The following FBXL17 variants were observed in gnomAD, a reference collection of about 807,000 sequenced individuals.
FBXL17 encodes the protein F-box/LRR-repeat protein 17.
Under a neutral mutation model 66.2 loss-of-function variants are expected in FBXL17, and 22 were observed. That is an observed-to-expected ratio of 0.33 (90% CI 0.24 to 0.47). FBXL17 has a LOEUF of 0.47. FBXL17 is among the 20% of genes least tolerant of loss of function. The pLI is 1.00. For synonymous variants in FBXL17, 474 were observed against 400.5 expected (o/e 1.18, Z -2.19); for missense variants, 878 against 948.2 (o/e 0.93, Z 0.97).
At chr5:108,250,488 A>G (rs909004599) in intron 4 of FBXL17, among the ~76,000 whole-genome samples, 3 of 152,138 alleles carry the variant, frequency 2.0e-5, no homozygotes, top group Admixed American at 1.3e-4. Flanking sequence ...CACTGAAAAC[A>G]TAATTGTGTT....
chr5:107,880,915 A>G (rs748987062), intron 8 of FBXL17, 122 bp downstream of exon 8: 1 of 1,441,564 alleles, frequency 6.9e-7, no homozygotes, highest in Non-Finnish European at 9.2e-7. Flanking sequence ...ATATATACAT[A>G]TAAAATGTAT....
At chr5:108,062,837 A>G (rs1241628431) in intron 6 of FBXL17, among the ~76,000 whole-genome samples, 1 of 152,174 alleles carries the variant, frequency 6.6e-6, no homozygotes, top group African/African-American at 2.4e-5. Flanking sequence ...AGATAAAATT[A>G]TCAGATTTCC....
chr5:107,939,716 T>C (rs994084381), intron 7 of FBXL17, among the ~76,000 whole-genome samples: 1 of 152,154 alleles, frequency 6.6e-6, no homozygotes, highest in Non-Finnish European at 1.5e-5. Context: ...TCGGAATTAT[T>C]TCACTCTCTT....
chr5:107,989,584 G>A (rs1477399532), intron 7 of FBXL17, among the ~76,000 whole-genome samples: 1 of 152,088 alleles, frequency 6.6e-6, no homozygotes, highest in African/African-American at 2.4e-5. Flanking sequence ...TGTGAATAGT[G>A]CTGCAATAGT....
chr5:108,346,573 T>G (rs1747296017), intron 4 of FBXL17, among the ~76,000 whole-genome samples: 1 of 152,000 alleles, frequency 6.6e-6, no homozygotes, highest in Non-Finnish European at 1.5e-5. Context: ...AACAGAAAAC[T>G]TCTAAATTGA....
At chr5:107,869,366 G>C (rs1417069013) in intron 8 of FBXL17, among the ~76,000 whole-genome samples, 2 of 152,134 alleles carry the variant, frequency 1.3e-5, no homozygotes, top group African/African-American at 2.4e-5. Context: ...TATTCAAACG[G>C]ACCTTAATGT....
At chr5:108,265,915 G>A (rs867250817) in intron 4 of FBXL17, among the ~76,000 whole-genome samples, 2 of 152,076 alleles carry the variant, frequency 1.3e-5, no homozygotes, top group African/African-American at 2.4e-5. Flanking sequence ...AGTAAGGTTC[G>A]ACACTACAAT....
In FBXL17 at chr5:108,268,830, T is replaced by C. The variant is rs957299234; in HGVS notation, c.1507-44602A>G. 2.6e-5 allele frequency among the ~76,000 whole-genome samples: 4 copies of C among 152,058 alleles called. No homozygotes were observed. The South Asian group carries it at 8.3e-4, about 32-fold the overall frequency. On this transcript the variant is annotated intron_variant, in intron 4 of 8. Transcript: ENST00000542267. ...CACTACCATCTTAGAGTTTTTAAGC[T>C]GGTCCTGAGAATTAAATTGAAGTGA...
chr5:107,913,637 A>T (rs969668133), intron 7 of FBXL17, among the ~76,000 whole-genome samples: 2 of 151,644 alleles, frequency 1.3e-5, no homozygotes, highest in African/African-American at 4.8e-5. Flanking sequence ...CATCCTGGAG[A>T]TGAGGGGTGG....
At chr5:108,227,087 T>C (rs1354702301) in intron 4 of FBXL17, among the ~76,000 whole-genome samples, 6 of 152,194 alleles carry the variant, frequency 3.9e-5, no homozygotes, top group Non-Finnish European at 7.3e-5. Flanking sequence ...AATATCCTAA[T>C]GGTTCTGTTT....
In FBXL17 at chr5:107,861,465, G is replaced by T. The variant is rs1748120615; in HGVS notation, c.*255C>A. 2 of 286,774 alleles carry T rather than the reference G, an allele frequency of 7.0e-6. No individual in the cohort carries two copies. Among genetic ancestry groups the T allele is most frequent in the Non-Finnish European group, 1.3e-5 (2 of 157,406 alleles). 17.8% of individuals were successfully genotyped at this position (286,774 alleles called of 1,614,324 possible). A position where few individuals can be genotyped will look rare whatever the true frequency, so the allele number is the denominator to read the frequency against. Reference sequence around the variant, plus strand: ...AAAATAATTTTTTTTTAAAGAGAAAGAAGCCTTTGAAGTTAAAAACTAAAA... The same window carrying T: ...AAAATAATTTTTTTTTAAAGAGAAATAAGCCTTTGAAGTTAAAAACTAAAA... On this transcript the variant is annotated 3_prime_UTR_variant, in exon 9 of 9. Transcript: ENST00000542267.
chr5:108,288,900 T>C (rs531562895), intron 4 of FBXL17, among the ~76,000 whole-genome samples: 6 of 152,220 alleles, frequency 3.9e-5, no homozygotes, highest in Admixed American at 1.3e-4. Context: ...TTTAATTACT[T>C]GAATGAAGTA....
chr5:108,009,233 ACAGC>A (rs1561365092), intron 7 of FBXL17, among the ~76,000 whole-genome samples: 2 of 58,626 alleles, frequency 3.4e-5, no homozygotes, highest in African/African-American at 1.2e-4. Context: ...ATATATATAT[ACAGC>A]TTGGTCGTGA....
At chr5:107,909,740 G>GAGACA (rs1749887497) in intron 7 of FBXL17, among the ~76,000 whole-genome samples, 1 of 152,120 alleles carries the variant, frequency 6.6e-6, no homozygotes, top group Non-Finnish European at 1.5e-5. Flanking sequence ...CTCTAGTGCA[G>GAGACA]AGACAAGAGA....
chr5:108,351,473 T>G (rs1215284768), intron 3 of FBXL17, among the ~76,000 whole-genome samples: 2 of 152,176 alleles, frequency 1.3e-5, no homozygotes, highest in Non-Finnish European at 2.9e-5. Flanking sequence ...CTGGATATTT[T>G]CAGCTCATAT....
At chr5:108,048,399 C>T (rs1747340507) in intron 6 of FBXL17, among the ~76,000 whole-genome samples, 1 of 152,192 alleles carries the variant, frequency 6.6e-6, no homozygotes, top group African/African-American at 2.4e-5. Context: ...TACCTCTTCT[C>T]CTCCAAATGA....
Position 108,157,983 on chromosome 5 carries a change from G to A in FBXL17, c.1745+28134C>T, listed in dbSNP as rs193242778. On this transcript the variant is annotated intron_variant, in intron 6 of 8. Coordinates refer to ENST00000542267, the MANE Select transcript of FBXL17 (RefSeq NM_001163315.3). ...AAGTTCACAGAAAAAGCAAGAAGTAGATGTAAATAATCAAACTTTACTTAC... is the reference window on the plus strand; with the variant it reads ...AAGTTCACAGAAAAAGCAAGAAGTAAATGTAAATAATCAAACTTTACTTAC... Among the ~76,000 whole-genome samples the A allele has an allele frequency of 1.4e-3, 216 of 152,156 alleles. 1 individual carries two copies. Among genetic ancestry groups the A allele is most frequent in the African/African-American group, 5.1e-3 (210 of 41,556 alleles).
chr5:108,331,073 T>C (rs1045702809), intron 4 of FBXL17, among the ~76,000 whole-genome samples: 2 of 151,980 alleles, frequency 1.3e-5, no homozygotes, highest in African/African-American at 2.4e-5. Flanking sequence ...GTATTCTATA[T>C]CCTACAACCT....
chr5:108,107,811 C>CAAAAA, intron 6 of FBXL17, among the ~76,000 whole-genome samples: 1 of 120,744 alleles, frequency 8.3e-6, no homozygotes, highest in East Asian at 2.5e-4. Flanking sequence ...GACTCTGTCT[C>CAAAAA]AAAAAAAAAA....
Sources: gnomAD v4.1 joint callset for allele counts (sites outside exome capture counted in the v4.1 genomes callset) on GRCh38, gnomAD v4.1.1 for gene constraint, MANE v1.5 for transcripts, NCBI Gene and HGNC (gene_info 2026-07-23, HGNC 2026-07-21) for gene names.